UNC79: variants seen among roughly 807,000 people sequenced by gnomAD.
UNC79 encodes the protein unc-79 subunit of NALCN channel complex.
Under a neutral mutation model 283.1 loss-of-function variants are expected in UNC79, and 37 were observed. The ratio of observed to expected loss-of-function variants is 0.13; its 90% confidence interval spans 0.10 to 0.17. UNC79 has a LOEUF of 0.17. Among genes scored for constraint, UNC79 ranks in the 10% least tolerant of loss-of-function variants. The pLI is 1.00. For missense variants in UNC79, 2,272 were observed against 3,211.1 expected, an observed-to-expected ratio of 0.71 and a Z score of 7.07; for synonymous variants, 1,107 against 1,200.2, an observed-to-expected ratio of 0.92 and a Z score of 1.61.
intron 1 of UNC79, among the ~76,000 whole-genome samples, chr14:93,338,616 G>C (rs1342407885): frequency 6.6e-6 from 1 of 152,150 alleles, no homozygotes; most frequent in African/African-American, 2.4e-5. Context: ...AATGACAAAA[G>C]ACTTGAACGG....
chr14:93,393,981 GT>G lies in UNC79; in HGVS notation c.-351+60469del, dbSNP rs200416327. On this transcript the variant is annotated intron_variant, in intron 1 of 49. Transcript: ENST00000256339. ...TCAAACTCCATTCCAATTTTGTCAG[GT>G]TTTTTTTTTTAGGACATCTGTATCT... 2.5e-3 allele frequency among the ~76,000 whole-genome samples: 369 copies of G among 144,932 alleles called. 5 individuals carry two copies. Among genetic ancestry groups the G allele is most frequent in the East Asian group, 0.022 (110 of 5,036 alleles).
At chr14:93,689,487 C>CTTT (rs57033556) in intron 44 of UNC79, 1,762 of 119,292 alleles carry the variant, frequency 0.015, 61 homozygotes, top group African/African-American at 0.051. Context: ...GAAGAAATTT[C>CTTT]TTTTTTTTTT....
intron 14 of UNC79, among the ~76,000 whole-genome samples, chr14:93,563,564 A>AG (rs957543940): frequency 7.2e-5 from 11 of 152,068 alleles, no homozygotes; most frequent in African/African-American, 1.4e-4. Flanking sequence ...GAGGTAGTGC[A>AG]GCGGGGGCAG....
chr14:93,601,676 C>T (rs933237555), intron 25 of UNC79, among the ~76,000 whole-genome samples: 7 of 152,186 alleles, frequency 4.6e-5, no homozygotes, highest in Non-Finnish European at 7.3e-5. Context: ...AAGGAATCTC[C>T]ATACTGTTTT....
At chr14:93,564,792 G>T (rs2062777817) in intron 14 of UNC79, among the ~76,000 whole-genome samples, 1 of 152,148 alleles carries the variant, frequency 6.6e-6, no homozygotes, top group South Asian at 2.1e-4. Context: ...TGCTCAGTGG[G>T]GGAGCTTTTG....
At chr14:93,460,465 G>A (rs1204992242) in intron 1 of UNC79, among the ~76,000 whole-genome samples, 5 of 146,746 alleles carry the variant, frequency 3.4e-5, no homozygotes, top group Admixed American at 6.9e-5. Context: ...AGCCAAGATC[G>A]TGCCACTGCA....
chr14:93,617,068 C>T lies in UNC79; in HGVS notation c.4042-54C>T, dbSNP rs1346047175. ...GATGGCTCAAATTTTTCCTTTTGAC[C>T]TCTGAGTGTTCTTTGTAGTTTTCCA... On this transcript the variant is annotated intron_variant, in intron 27 of 48. Transcript: ENST00000555664. The surrounding 1 kb of genome is among the most constrained non-coding windows in gnomAD (Gnocchi z 4.5). 1 of 1,510,238 alleles carries T rather than the reference C, an allele frequency of 6.6e-7. No individual in the cohort carries two copies. Among genetic ancestry groups the T allele is most frequent in the South Asian group, 1.4e-5 (1 of 73,358 alleles). 93.6% of individuals were successfully genotyped at this position (1,510,238 alleles called of 1,614,324 possible).
chr14:93,385,625 A>G (rs2054755886), intron 1 of UNC79, among the ~76,000 whole-genome samples: 1 of 152,078 alleles, frequency 6.6e-6, no homozygotes, highest in African/African-American at 2.4e-5. Context: ...CTAAAAATAC[A>G]AAAATTAGCC....
chr14:93,422,337 A>G (rs1171545874), intron 1 of UNC79, among the ~76,000 whole-genome samples: 1 of 151,954 alleles, frequency 6.6e-6, no homozygotes, highest in Non-Finnish European at 1.5e-5. Context: ...GTTTACAATG[A>G]TAAGAGGTTG....
At chr14:93,529,200 C>T in intron 9 of UNC79, 86 bp from the exon 10 acceptor site, 1 of 1,396,506 alleles carries the variant, frequency 7.2e-7, no homozygotes, top group Non-Finnish European at 9.9e-7. Context: ...AAAAGCCTTT[C>T]AGCACTAGTG....
intron 22 of UNC79, among the ~76,000 whole-genome samples, chr14:93,588,614 A>G (rs1013093361): frequency 3.3e-5 from 5 of 151,772 alleles, no homozygotes; most frequent in South Asian, 2.1e-4. Context: ...GGTGGTGGGC[A>G]CCTTTAGTCC....
At chr14:93,582,246 C>G (rs367669866) in exon 20 of UNC79, 8 of 1,614,034 alleles carry the variant, frequency 5.0e-6, no homozygotes, top group Non-Finnish European at 6.8e-6. Context: ...TCTTCCAGAC[C>G]AGAGTTTATC....
chr14:93,466,484 C>T (rs1475603394), intron 1 of UNC79, among the ~76,000 whole-genome samples: 1 of 152,216 alleles, frequency 6.6e-6, no homozygotes, highest in Admixed American at 6.5e-5. Flanking sequence ...ACCTATGTGC[C>T]TCATTTTCCC....
chr14:93,452,081 A>G (rs2056660588), intron 1 of UNC79, among the ~76,000 whole-genome samples: 2 of 152,074 alleles, frequency 1.3e-5, no homozygotes, highest in South Asian at 4.1e-4. Context: ...CTCATCCTTC[A>G]TGTCTTACTT....
At chr14:93,506,534 ATTGCCAATTATTACTCTT>A (rs1490280150) in intron 7 of UNC79, among the ~76,000 whole-genome samples, 1 of 152,198 alleles carries the variant, frequency 6.6e-6, no homozygotes, top group African/African-American at 2.4e-5. Flanking sequence ...ATCAAAGTCA[ATTGCCAATTATTACTCTT>A]TTGAAGATAA....
intron 14 of UNC79, among the ~76,000 whole-genome samples, chr14:93,557,559 A>C (rs189565913): frequency 2.0e-5 from 3 of 152,296 alleles, no homozygotes; most frequent in Admixed American, 2.0e-4. Context: ...CGCCTCCTAG[A>C]TAGCTCAGAG....
At chr14:93,466,288 A>AATC (rs1176638053) in intron 1 of UNC79, among the ~76,000 whole-genome samples, 1 of 152,264 alleles carries the variant, frequency 6.6e-6, no homozygotes, top group East Asian at 1.9e-4. Flanking sequence ...TAGGATTTAG[A>AATC]ATCAGTGATT....
intron 14 of UNC79, among the ~76,000 whole-genome samples, chr14:93,544,977 CT>C (rs2061531292): frequency 6.6e-6 from 1 of 151,970 alleles, no homozygotes; most frequent in South Asian, 2.1e-4. Flanking sequence ...CCCACTTCAG[CT>C]TTTAGGGCTT....
intron 1 of UNC79, among the ~76,000 whole-genome samples, chr14:93,335,250 A>C (rs1340090141): frequency 1.3e-5 from 2 of 152,160 alleles, no homozygotes; most frequent in African/African-American, 2.4e-5. Flanking sequence ...CTACCCTTTA[A>C]TTCATTCACT....
Sources: allele counts gnomAD v4.1 joint callset (sites outside exome capture counted in the v4.1 genomes callset), GRCh38; gene constraint gnomAD v4.1.1; non-coding constraint Gnocchi (gnomAD v3.1); transcripts MANE v1.5; gene names NCBI Gene and HGNC (gene_info 2026-07-23, HGNC 2026-07-21).